The following HEXB variants were observed in gnomAD, a reference collection of about 807,000 sequenced individuals.
HEXB encodes the protein beta-hexosaminidase subunit beta.
In HEXB, 51 loss-of-function variants were observed where a neutral mutation model predicts 71.2. The observed-to-expected ratio is 0.72, with a 90% CI of 0.57 to 0.90. HEXB has a LOEUF of 0.90. HEXB is among the 40% of genes least tolerant of loss of function. HEXB has a pLI of 0.00. For missense variants in HEXB, 617 were observed against 677.0 expected, an observed-to-expected ratio of 0.91 and a Z score of 0.98; for synonymous variants, 266 against 249.3, an observed-to-expected ratio of 1.07 and a Z score of -0.63.
chr5:74,658,681 A>C (rs1490008523), intron 1 of HEXB, among the ~76,000 whole-genome samples: 1 of 152,156 alleles, frequency 6.6e-6, no homozygotes, highest in East Asian at 1.9e-4. Context: ...CAGGGAAATA[A>C]TGTGTCCTAG....
rs140380967 is a variant in HEXB, at chr5:74,671,175, A to T, written c.-376-18153A>T. On this transcript the variant is annotated intron_variant, in intron 1 of 13. Coordinates refer to the HEXB transcript ENST00000511181. ...CAACAATGCCACAAGAGTACTGGCA[A>T]CAAAGTGTTCCAAGACCCATAAAAA... is the stretch of plus-strand genomic sequence containing the variant. Among the ~76,000 whole-genome samples, 16 of 152,352 alleles carry T rather than the reference A, an allele frequency of 1.1e-4. No individual in the cohort carries two copies. In the East Asian group the frequency reaches 3.1e-3, roughly 29 times the overall value.
chr5:74,719,964 T>A, intron 11 of HEXB: 1 of 172,530 alleles, frequency 5.8e-6, no homozygotes, highest in South Asian at 1.2e-4. Context: ...AACACACACA[T>A]TAAGTATTCA....
chr5:74,649,548 AT>A (rs1214844727), intron 1 of HEXB, among the ~76,000 whole-genome samples: 1 of 152,172 alleles, frequency 6.6e-6, no homozygotes, highest in East Asian at 1.9e-4. Flanking sequence ...TATTTTCCTG[AT>A]TATCTAAGGC....
chr5:74,721,261 T>TTTGAATAAAATATTTTTATTGA lies in HEXB; in HGVS notation c.*92_*113dup, dbSNP rs1193293590. 9.2e-7 allele frequency: 1 copy of TTTGAATAAAATATTTTTATTGA among 1,092,018 alleles called. No homozygotes were observed. Among genetic ancestry groups the TTTGAATAAAATATTTTTATTGA allele is most frequent in the Non-Finnish European group, 1.4e-6 (1 of 712,244 alleles). The allele number at this position is 1,092,018 out of a possible 1,614,324, so 67.6% of individuals were successfully genotyped here. On this transcript the variant is annotated 3_prime_UTR_variant, in exon 14 of 14. Coordinates refer to ENST00000261416, the MANE Select transcript of HEXB (RefSeq NM_000521.4). ...TGTAAAATAAGATATTAGACTGTTT[T>TTTGAATAAAATATTTTTATTGA]TTGAATAAAATATTTTTATTGATTG... is the stretch of plus-strand genomic sequence containing the variant.
chr5:74,685,639 A>G lies in HEXB; in HGVS notation c.299+80A>G, dbSNP rs1356594250. Reference sequence around the variant, plus strand: ...ACCCCGGAGCGCTGTGCAGACCCTCACCACCCCACTGCGCAGACGAGAAAC... The same window carrying G: ...ACCCCGGAGCGCTGTGCAGACCCTCGCCACCCCACTGCGCAGACGAGAAAC... On this transcript the variant is annotated intron_variant, in intron 1 of 13. Transcript: ENST00000261416. 4.7e-6 allele frequency: 6 copies of G among 1,288,360 alleles called. No individual in the cohort carries two copies. In the African/African-American group the frequency reaches 9.3e-5, roughly 20 times the overall value. 79.8% of individuals were successfully genotyped at this position (1,288,360 alleles called of 1,614,324 possible). A position where few individuals can be genotyped will look rare whatever the true frequency, so the allele number is the denominator to read the frequency against.
chr5:74,646,132 G>A (rs990427539), intron 1 of HEXB, among the ~76,000 whole-genome samples: 3 of 151,960 alleles, frequency 2.0e-5, no homozygotes, highest in African/African-American at 4.8e-5. Flanking sequence ...TTGTTTTGTG[G>A]ATTAAATAAA....
chr5:74,659,085 G>A (rs1176841491), intron 1 of HEXB, among the ~76,000 whole-genome samples: 1 of 150,590 alleles, frequency 6.6e-6, no homozygotes, highest in Non-Finnish European at 1.5e-5. Flanking sequence ...ACATTTAAAA[G>A]CTTTTGTGGG....
chr5:74,644,682 A>G (rs927941834), intron 1 of HEXB, among the ~76,000 whole-genome samples: 1 of 150,312 alleles, frequency 6.7e-6, no homozygotes, highest in African/African-American at 2.5e-5. Flanking sequence ...GCCATCTTCT[A>G]TCTTTGTGCG....
At chr5:74,651,324 A>T (rs1748104338) in intron 1 of HEXB, among the ~76,000 whole-genome samples, 1 of 152,236 alleles carries the variant, frequency 6.6e-6, no homozygotes, top group African/African-American at 2.4e-5. Flanking sequence ...CCCTTAGCGC[A>T]GCACACAGTA....
chr5:74,711,280 C>T (rs1251233118), intron 6 of HEXB, among the ~76,000 whole-genome samples: 4 of 144,492 alleles, frequency 2.8e-5, no homozygotes, highest in South Asian at 2.3e-4. Context: ...ATACAAAAAT[C>T]AATTCAAGAT....
chr5:74,693,608 G>C (rs1208094714), intron 2 of HEXB, 31 bp from the exon 3 acceptor site: 1 of 1,461,114 alleles, frequency 6.8e-7, no homozygotes, highest in Non-Finnish European at 9.6e-7. Flanking sequence ...ATTAACAAAA[G>C]TGTGTGTGTG....
chr5:74,656,156 T>C (rs1016790794), intron 1 of HEXB, among the ~76,000 whole-genome samples: 1 of 152,090 alleles, frequency 6.6e-6, no homozygotes, highest in Non-Finnish European at 1.5e-5. Context: ...TGCAACTTAA[T>C]GTAAGAAGTC....
chr5:74,677,170 C>T (rs976619853), intron 1 of HEXB, among the ~76,000 whole-genome samples: 11 of 152,054 alleles, frequency 7.2e-5, no homozygotes, highest in African/African-American at 2.2e-4. Context: ...CATGAGTCAC[C>T]GCACCCAGCA....
At chr5:74,698,484 C>T (rs955103307) in intron 5 of HEXB, among the ~76,000 whole-genome samples, 17 of 151,714 alleles carry the variant, frequency 1.1e-4, no homozygotes, top group Admixed American at 3.3e-4. Flanking sequence ...CTCCGCCTCC[C>T]GGATTCAAGC....
At chr5:74,688,510 A>G (rs1222860730) in intron 1 of HEXB, among the ~76,000 whole-genome samples, 1 of 151,898 alleles carries the variant, frequency 6.6e-6, no homozygotes, top group Non-Finnish European at 1.5e-5. Context: ...GATTGTTTGT[A>G]TTTTTAGTAG....
chr5:74,656,540 T>TAAAATAA (rs1245449179), intron 1 of HEXB, among the ~76,000 whole-genome samples: 4 of 105,446 alleles, frequency 3.8e-5, no homozygotes, highest in African/African-American at 2.3e-4. Context: ...TAAAATAAAA[T>TAAAATAA]AAAAGTCAGG....
chr5:74,718,118 A>T (rs773173514), intron 9 of HEXB, among the ~76,000 whole-genome samples, 173 bp from the exon 10 acceptor site: 3 of 152,232 alleles, frequency 2.0e-5, no homozygotes, highest in African/African-American at 4.8e-5. Context: ...CAAGTGCTAA[A>T]AAGGAGGAAC....
intron 1 of HEXB, among the ~76,000 whole-genome samples, chr5:74,667,280 A>C (rs1748448893): frequency 6.6e-6 from 1 of 151,966 alleles, no homozygotes; most frequent in Non-Finnish European, 1.5e-5. Flanking sequence ...CTATCCAGGC[A>C]TGGTGGTGCA....
rs1749826211 is a variant in HEXB, at chr5:74,720,911, T to C, written c.1613+164T>C. ...ACCTGTAAAGATATATTCAGACTTG[T>C]GACTGTTTTATAGATACAAAAAATG... On this transcript the variant is annotated intron_variant, in intron 13 of 13. Transcript: ENST00000261416. 1.0e-5 allele frequency: 8 copies of C among 781,136 alleles called. No homozygotes were observed. In the East Asian group the frequency reaches 2.1e-4, roughly 21 times the overall value. 48.4% of individuals were successfully genotyped at this position (781,136 alleles called of 1,614,324 possible).
Sources: gnomAD v4.1 joint callset for allele counts (sites outside exome capture counted in the v4.1 genomes callset) on GRCh38, gnomAD v4.1.1 for gene constraint, MANE v1.5 for transcripts, NCBI Gene and HGNC (gene_info 2026-07-23, HGNC 2026-07-21) for gene names.